The following ASAP2 variants were observed in gnomAD, a reference collection of about 807,000 sequenced individuals.
ASAP2 encodes ArfGAP with SH3 domain, ankyrin repeat and PH domain 2, also known as arf-GAP with SH3 domain, ANK repeat and PH domain-containing protein 2.
A neutral mutation model predicts 131.4 loss-of-function variants in ASAP2; 45 were observed. The observed-to-expected ratio is 0.34, with a 90% CI of 0.27 to 0.44. The LOEUF is 0.44. Ranked by LOEUF, ASAP2 falls within the 20% of genes least tolerant of loss-of-function variation. The pLI, the probability that ASAP2 is intolerant of heterozygous loss-of-function variation, is 1.00. For synonymous variants in ASAP2, 510 were observed against 503.0 expected (o/e 1.01, Z -0.19); for missense variants, 1,011 against 1,297.0 (o/e 0.78, Z 3.39).
chr2:9,253,802 A>T (rs1664896299), intron 1 of ASAP2, among the ~76,000 whole-genome samples: 1 of 152,122 alleles, frequency 6.6e-6, no homozygotes, highest in African/African-American at 2.4e-5. Flanking sequence ...GTTCCCCCTT[A>T]GCTGCATTTT....
At chr2:9,354,846 A>G (rs1265301213) in intron 12 of ASAP2, among the ~76,000 whole-genome samples, 1 of 152,172 alleles carries the variant, frequency 6.6e-6, no homozygotes, top group Non-Finnish European at 1.5e-5. Flanking sequence ...ACCACTACAG[A>G]GAGGTGGCGT....
chr2:9,240,056 C>G (rs1453343117), intron 1 of ASAP2, among the ~76,000 whole-genome samples: 1 of 152,044 alleles, frequency 6.6e-6, no homozygotes, highest in Non-Finnish European at 1.5e-5. Flanking sequence ...AAAAACTAGT[C>G]AACTTCTTAG....
At chr2:9,387,989 G>A (rs1037730555) in intron 21 of ASAP2, among the ~76,000 whole-genome samples, 2 of 152,290 alleles carry the variant, frequency 1.3e-5, no homozygotes, top group East Asian at 3.9e-4. Flanking sequence ...GAGGGGAACC[G>A]CTGCCATGAT....
In ASAP2 at chr2:9,374,944, T is replaced by C. The variant is rs1313557929; in HGVS notation, c.1746T>C (p.His582=). 6 of 1,590,074 alleles carry C rather than the reference T, an allele frequency of 3.8e-6. No individual in the cohort carries two copies. Among genetic ancestry groups the C allele is most frequent in the Non-Finnish European group, 4.3e-6 (5 of 1,171,336 alleles). Residue 582 remains histidine (H), a splice_region_variant and synonymous_variant, in exon 17 of 28, where the codon CAT becomes CAC. Transcript: ENST00000281419. ...AAAAAATCCCACTGGCCAACGGACA[T>C]GTAAGAGTGTGGGTTGTTGCTACTT... The part of the protein sequence containing the change: ...LTEKIPLANG[H]EPDETALHLA...
At chr2:9,301,906 C>G (rs1668504797) in intron 3 of ASAP2, among the ~76,000 whole-genome samples, 1 of 146,072 alleles carries the variant, frequency 6.8e-6, no homozygotes, top group Non-Finnish European at 1.5e-5. Flanking sequence ...TCTCTGCAAG[C>G]TCTGCCTCCC....
At chr2:9,212,505 T>C (rs1410579798) in intron 1 of ASAP2, among the ~76,000 whole-genome samples, 2 of 152,160 alleles carry the variant, frequency 1.3e-5, no homozygotes, top group Non-Finnish European at 2.9e-5. Flanking sequence ...GATCTACTCC[T>C]GAGGTGGTGG....
intron 11 of ASAP2, among the ~76,000 whole-genome samples, chr2:9,345,906 G>A (rs536409862): frequency 1.6e-4 from 25 of 152,200 alleles, no homozygotes; most frequent in African/African-American, 5.1e-4. Context: ...TCCTCTGGGG[G>A]TGCCTTTGTT....
rs189918618 is a variant in ASAP2, at chr2:9,210,143, G to A, written c.126+2913G>A. ...GTTATAGAGCTCTGAAGTGGACTTT[G>A]AACTTGGCTCCTGCTGTTTTCAGAA... On this transcript the variant is annotated intron_variant, in intron 1 of 27. Coordinates refer to ENST00000281419, the MANE Select transcript of ASAP2 (RefSeq NM_003887.3). Among the ~76,000 whole-genome samples, 487 of 152,296 alleles carry A rather than the reference G, an allele frequency of 3.2e-3. 2 individuals carry two copies. The highest frequency in any genetic ancestry group is 0.011 in the African/African-American group (441 of 41,560).
chr2:9,382,820 A>C (rs1674966613), intron 20 of ASAP2, among the ~76,000 whole-genome samples: 1 of 152,254 alleles, frequency 6.6e-6, no homozygotes, highest in Admixed American at 6.5e-5. Context: ...CCATACACCA[A>C]TTGTAGTCGC....
At chr2:9,275,584 C>T (rs774193324) in intron 1 of ASAP2, among the ~76,000 whole-genome samples, 64 of 152,166 alleles carry the variant, frequency 4.2e-4, no homozygotes, top group Non-Finnish European at 7.3e-4. Context: ...CTCTTCTTTG[C>T]GTAGCCTCTC....
At chr2:9,395,182 A>G (rs1350594288) in intron 24 of ASAP2, among the ~76,000 whole-genome samples, 1 of 152,198 alleles carries the variant, frequency 6.6e-6, no homozygotes, top group African/African-American at 2.4e-5. Flanking sequence ...CTCTCAATAA[A>G]GAATTTGGGG....
rs1222015004 is a variant in ASAP2 at position 9,271,693 on chromosome 2, A to G, written c.127-7624A>G. The G allele has an allele frequency of 2.7e-5, 14 of 523,248 alleles. No individual in the cohort carries two copies. The South Asian group carries it at 6.0e-4, about 22-fold the overall frequency. 32.4% of individuals were successfully genotyped at this position (523,248 alleles called of 1,614,324 possible). A position where few individuals can be genotyped will look rare whatever the true frequency, so the allele number is the denominator to read the frequency against. ...AAGACGGCGGGCAGAGGGTACGGAA[A>G]GTAGGGAAGCGACGGGGCCCAAGGG... On this transcript the variant is annotated intron_variant, in intron 1 of 27. Transcript: ENST00000281419.
chr2:9,253,605 G>A lies in ASAP2; in HGVS notation c.127-25712G>A, dbSNP rs557338697. Reference sequence around the variant, plus strand: ...CATTCCTGCCTCCTGTCATCTCTGCGCTGCTTTCTGTCCTTACAATTTTGC... The same window carrying A: ...CATTCCTGCCTCCTGTCATCTCTGCACTGCTTTCTGTCCTTACAATTTTGC... On this transcript the variant is annotated intron_variant, in intron 1 of 27. Coordinates refer to ENST00000281419, the MANE Select transcript of ASAP2 (RefSeq NM_003887.3). 6.2e-4 allele frequency among the ~76,000 whole-genome samples: 94 copies of A among 152,228 alleles called. 1 individual carries two copies. Among genetic ancestry groups the A allele is most frequent in the African/African-American group, 2.1e-3 (89 of 41,536 alleles).
At chr2:9,289,515 T>C (rs1056047489) in intron 2 of ASAP2, among the ~76,000 whole-genome samples, 1 of 152,154 alleles carries the variant, frequency 6.6e-6, no homozygotes, top group African/African-American at 2.4e-5. Context: ...TTCTGTACTC[T>C]AAAGCCTAAA....
chr2:9,232,668 C>T lies in ASAP2; in HGVS notation c.126+25438C>T, dbSNP rs1375448966. Among the ~76,000 whole-genome samples the T allele has an allele frequency of 6.6e-6, 1 of 152,182 alleles. No individual in the cohort carries two copies. Among genetic ancestry groups the T allele is most frequent in the Admixed American group, 6.5e-5 (1 of 15,278 alleles). On this transcript the variant is annotated intron_variant, in intron 1 of 27. Coordinates refer to ENST00000281419, the MANE Select transcript of ASAP2 (RefSeq NM_003887.3). This position sits in a 1 kb window ranked among gnomAD's most constrained non-coding sequence, Gnocchi z 4.1. ...GCACCCAGAATTGCACTGGACACAT[C>T]ATATATGTTTAATATGTGTTTGTTG...
chr2:9,218,559 T>C (rs541773279), intron 1 of ASAP2, among the ~76,000 whole-genome samples: 1 of 152,328 alleles, frequency 6.6e-6, no homozygotes, highest in East Asian at 1.9e-4. Flanking sequence ...CAGAGGACTT[T>C]GGAGAGGTTT....
intron 1 of ASAP2, among the ~76,000 whole-genome samples, chr2:9,253,766 T>C (rs960011052): frequency 1.6e-4 from 25 of 152,196 alleles, no homozygotes; most frequent in African/African-American, 5.8e-4. Context: ...TGCTGAATAA[T>C]GTTCTGTTGT....
intron 2 of ASAP2, among the ~76,000 whole-genome samples, chr2:9,286,445 A>ATATAT (rs199918521): frequency 5.1e-5 from 5 of 98,630 alleles, no homozygotes; most frequent in African/African-American, 1.8e-4. Flanking sequence ...AGGAAAAAAA[A>ATATAT]AAATATATAT....
At chr2:9,349,908 C>T (rs1672221507) in intron 11 of ASAP2, among the ~76,000 whole-genome samples, 1 of 152,064 alleles carries the variant, frequency 6.6e-6, no homozygotes, top group African/African-American at 2.4e-5. Context: ...TTGAAGTGAC[C>T]GGTGGCCAAG....
Sources: allele counts gnomAD v4.1 joint callset (sites outside exome capture counted in the v4.1 genomes callset), GRCh38; gene constraint gnomAD v4.1.1; non-coding constraint Gnocchi (gnomAD v3.1); transcripts MANE v1.5; gene names NCBI Gene and HGNC (gene_info 2026-07-23, HGNC 2026-07-21).